FAM91A1: variants seen among roughly 807,000 people sequenced by gnomAD.
FAM91A1 encodes protein FAM91A1.
A neutral mutation model predicts 113.5 loss-of-function variants in FAM91A1; 41 were observed. The ratio of observed to expected loss-of-function variants is 0.36; its 90% CI spans 0.28 to 0.47. The LOEUF (loss-of-function observed/expected upper bound fraction) is 0.47. Among genes scored for constraint, FAM91A1 ranks in the 20% least tolerant of loss-of-function variants. The pLI is 1.00. For missense variants in FAM91A1, 696 were observed against 1,001.2 expected, an observed-to-expected ratio of 0.70 and a Z score of 4.11; for synonymous variants, 307 against 347.9, an observed-to-expected ratio of 0.88 and a Z score of 1.31.
chr8:123,810,524 C>T (rs559807320), intron 23 of FAM91A1, 173 bp downstream of exon 23: 160 of 718,498 alleles, frequency 2.2e-4, no homozygotes, highest in Non-Finnish European at 3.3e-4. Context: ...ACATTTCACT[C>T]GCCAGGTCTT....
chr8:123,804,524 G>C (rs1436366407), intron 18 of FAM91A1, among the ~76,000 whole-genome samples: 2 of 137,840 alleles, frequency 1.5e-5, no homozygotes, highest in African/African-American at 2.7e-5. Flanking sequence ...AAAAAAAAGA[G>C]GTATAGGTCG....
Position 123,789,549 on chromosome 8 carries a change from A to G in FAM91A1, c.1279-64A>G, listed in dbSNP as rs1026928595. The G allele has an allele frequency of 7.5e-6, 12 of 1,596,716 alleles. No homozygotes were observed. The Admixed American group carries it at 2.1e-4, about 28-fold the overall frequency. On this transcript the variant is annotated intron_variant, in intron 14 of 23. Transcript: ENST00000334705. ...TAATGTCTTATATCTCTATTATATGATTATTAGAGTGAATGGCATAAAAGT... is the reference window on the plus strand; with the variant it reads ...TAATGTCTTATATCTCTATTATATGGTTATTAGAGTGAATGGCATAAAAGT...
intron 18 of FAM91A1, among the ~76,000 whole-genome samples, chr8:123,801,363 A>G (rs895832162): frequency 6.6e-5 from 10 of 152,196 alleles, no homozygotes; most frequent in African/African-American, 2.4e-4. Context: ...ACAAACACTT[A>G]TAATAATGGC....
At chr8:123,783,935 G>A (rs887128634) in intron 8 of FAM91A1, among the ~76,000 whole-genome samples, 1 of 152,200 alleles carries the variant, frequency 6.6e-6, no homozygotes, top group Admixed American at 6.5e-5. Context: ...AGTTAGCCCA[G>A]TGACTTCTGG....
At chr8:123,793,506 GTC>G (rs1815435448) in intron 15 of FAM91A1, among the ~76,000 whole-genome samples, 1 of 152,098 alleles carries the variant, frequency 6.6e-6, no homozygotes, top group Non-Finnish European at 1.5e-5. Flanking sequence ...AGTCATTATT[GTC>G]TCTCAATTAT....
At chr8:123,791,376 T>C (rs191226505) in intron 15 of FAM91A1, among the ~76,000 whole-genome samples, 1 of 152,240 alleles carries the variant, frequency 6.6e-6, no homozygotes, top group East Asian at 1.9e-4. Context: ...AAACATTTGT[T>C]GCTTAGTAGT....
chr8:123,772,440 A>G (rs1422433793), intron 1 of FAM91A1, among the ~76,000 whole-genome samples: 6 of 152,174 alleles, frequency 3.9e-5, no homozygotes, highest in Non-Finnish European at 7.3e-5. Context: ...CAGTACAACG[A>G]CCCTGGCATT....
chr8:123,790,156 C>T (rs1815349162), intron 15 of FAM91A1, among the ~76,000 whole-genome samples: 1 of 152,152 alleles, frequency 6.6e-6, no homozygotes, highest in African/African-American at 2.4e-5. Context: ...TCAAATGCTA[C>T]TGCAATACTT....
At chr8:123,788,033 G>T (rs12541177) in intron 14 of FAM91A1, among the ~76,000 whole-genome samples, 58,591 of 152,048 alleles carry the variant, frequency 0.39, 15,265 homozygotes, top group African/African-American at 0.74. Context: ...AGTCTGTAAT[G>T]TTTTAAGTTG....
intron 15 of FAM91A1, among the ~76,000 whole-genome samples, chr8:123,790,247 G>C (rs1815351901): frequency 6.6e-6 from 1 of 152,212 alleles, no homozygotes. Flanking sequence ...TTAAGGTATT[G>C]ATGAACTTTA....
chr8:123,788,102 C>G, intron 14 of FAM91A1: 1 of 781,842 alleles, frequency 1.3e-6, no homozygotes, highest in Non-Finnish European at 1.6e-6. Flanking sequence ...AAGATCACCT[C>G]TTAAGCAGTT....
At chr8:123,810,092 A>G (rs1217055700) in intron 22 of FAM91A1, among the ~76,000 whole-genome samples, 190 bp from the exon 23 acceptor site, 1 of 152,222 alleles carries the variant, frequency 6.6e-6, no homozygotes, top group Non-Finnish European at 1.5e-5. Context: ...CTTTTAATGC[A>G]TGACTACTCC....
intron 2 of FAM91A1, 57 bp downstream of exon 2, chr8:123,774,221 T>C (rs1427201641): frequency 2.2e-6 from 3 of 1,340,794 alleles, no homozygotes; most frequent in East Asian, 2.4e-5. Flanking sequence ...TTCACATTCG[T>C]AAATCTTTCT....
chr8:123,811,601 G>A (rs1041983665), intron 23 of FAM91A1: 5 of 151,838 alleles, frequency 3.3e-5, no homozygotes, highest in African/African-American at 1.2e-4. Flanking sequence ...GGGAGGGGAG[G>A]GATCATGAAT....
chr8:123,785,155 A>G (rs747685525), intron 10 of FAM91A1, 36 bp downstream of exon 10: 5 of 1,515,922 alleles, frequency 3.3e-6, no homozygotes, highest in Non-Finnish European at 4.5e-6. Context: ...TGGTGATGTG[A>G]TAACTGAGTG....
chr8:123,784,350 A>G, intron 8 of FAM91A1, 120 bp from the exon 9 acceptor site: 1 of 651,590 alleles, frequency 1.5e-6, no homozygotes, highest in Non-Finnish European at 2.5e-6. Context: ...GGATAAATAA[A>G]TCAAAAGCTG....
At chr8:123,775,487 G>T (rs1814961109) in intron 3 of FAM91A1, among the ~76,000 whole-genome samples, 189 bp downstream of exon 3, 1 of 152,142 alleles carries the variant, frequency 6.6e-6, no homozygotes, top group South Asian at 2.1e-4. Context: ...TATCCTTATT[G>T]ATGTTTTTAC....
rs1007420962 is a variant in FAM91A1 at position 123,771,187 on chromosome 8, A to G, written c.72+2413A>G. Among the ~76,000 whole-genome samples, 7 of 152,170 alleles carry G rather than the reference A, an allele frequency of 4.6e-5. No individual in the cohort carries two copies. The South Asian group carries it at 1.4e-3, about 32-fold the overall frequency. The stretch of plus-strand genomic sequence containing the variant: ...CTAGGCTATCTTACCATTGCATTGT[A>G]TTCCTCACCTGTCATAGAGCTTACC... On this transcript the variant is annotated intron_variant, in intron 1 of 23. Coordinates refer to ENST00000334705, the MANE Select transcript of FAM91A1 (RefSeq NM_144963.4).
intron 8 of FAM91A1, among the ~76,000 whole-genome samples, chr8:123,781,718 C>G (rs1003398565): frequency 6.6e-6 from 1 of 152,164 alleles, no homozygotes; most frequent in African/African-American, 2.4e-5. Context: ...CTCCTGACCT[C>G]AAGCAATCTG....
Sources: gnomAD v4.1 joint callset for allele counts (sites outside exome capture counted in the v4.1 genomes callset) on GRCh38, gnomAD v4.1.1 for gene constraint, MANE v1.5 for transcripts, NCBI Gene and HGNC (gene_info 2026-07-23, HGNC 2026-07-21) for gene names.